Variants in GABRA1 observed in about 807,000 individuals in gnomAD.
GABRA1 encodes gamma-aminobutyric acid receptor subunit alpha-1.
Under a neutral mutation model 48.9 loss-of-function variants are expected in GABRA1, and 9 were observed. That is an observed-to-expected ratio of 0.18 (90% CI 0.11 to 0.32). The LOEUF (loss-of-function observed/expected upper bound fraction) is 0.32, where lower values mean the gene tolerates loss of function less well. Ranked by LOEUF, GABRA1 falls within the 10% of genes least tolerant of loss-of-function variation. The probability of loss-of-function intolerance (pLI) is 1.00; values close to 1 mark genes in which losing one functional copy is unlikely to be tolerated. For missense variants in GABRA1, 285 were observed against 553.8 expected, an observed-to-expected ratio of 0.51 and a Z score of 4.87; for synonymous variants, 210 against 198.7, an observed-to-expected ratio of 1.06 and a Z score of -0.48.
chr5:161,871,699 A>T (rs1283740650), intron 4 of GABRA1, among the ~76,000 whole-genome samples: 2 of 152,266 alleles, frequency 1.3e-5, no homozygotes, highest in East Asian at 3.9e-4. Context: ...AATTCCCTTT[A>T]TGTATCTATC....
At chr5:161,871,452 C>T (rs1754117676) in intron 4 of GABRA1, among the ~76,000 whole-genome samples, 1 of 152,172 alleles carries the variant, frequency 6.6e-6, no homozygotes, top group African/African-American at 2.4e-5. Flanking sequence ...ACAAGCTTGT[C>T]TGTCATCCAG....
At chr5:161,871,592 C>T (rs542259773) in intron 4 of GABRA1, among the ~76,000 whole-genome samples, 2 of 152,256 alleles carry the variant, frequency 1.3e-5, no homozygotes, top group South Asian at 4.1e-4. Flanking sequence ...CTATGCCCAT[C>T]GTACACCTTC....
At chr5:161,883,374 T>C (rs1754700077) in intron 7 of GABRA1, among the ~76,000 whole-genome samples, 1 of 152,186 alleles carries the variant, frequency 6.6e-6, no homozygotes, top group African/African-American at 2.4e-5. Context: ...AATTCTATAC[T>C]CAGAACTAGA....
At chr5:161,888,252 T>G (rs1754936527) in intron 7 of GABRA1, among the ~76,000 whole-genome samples, 1 of 152,120 alleles carries the variant, frequency 6.6e-6, no homozygotes, top group Admixed American at 6.6e-5. Context: ...TGACTTGGTT[T>G]TTTGTTTTTG....
intron 2 of GABRA1, among the ~76,000 whole-genome samples, chr5:161,853,117 TCC>T (rs1313244819): frequency 6.6e-6 from 1 of 151,860 alleles, no homozygotes; most frequent in African/African-American, 2.4e-5. Context: ...GTAAATGTGA[TCC>T]ATCCTAAGAT....
chr5:161,885,556 A>G (rs1476134995), intron 7 of GABRA1, among the ~76,000 whole-genome samples: 2 of 152,160 alleles, frequency 1.3e-5, no homozygotes, highest in African/African-American at 2.4e-5. Context: ...ACACAATCCT[A>G]CTGACCTCTT....
At chr5:161,865,032 A>G (rs7734447) in intron 3 of GABRA1, among the ~76,000 whole-genome samples, 67,652 of 151,746 alleles carry the variant, frequency 0.45, 15,556 homozygotes, top group East Asian at 0.63. Context: ...GTGTTCAGTT[A>G]TTATAGCACT....
intron 4 of GABRA1, among the ~76,000 whole-genome samples, chr5:161,867,488 A>G (rs888223103): frequency 1.3e-5 from 2 of 152,190 alleles, no homozygotes; most frequent in Admixed American, 1.3e-4. Context: ...CATCAGCAGC[A>G]GCATGACCTT....
In GABRA1 at chr5:161,898,645, A is replaced by T. The variant is rs1341549633; in HGVS notation, c.*1223A>T. On this transcript the variant is annotated 3_prime_UTR_variant, in exon 10 of 10. Transcript: ENST00000393943. ...TGTAGACAAAACTTATAATTTCCAA[A>T]CTGTTGTCTAGTATACAGTGATCAG... 1 of 152,438 alleles carries T rather than the reference A, an allele frequency of 6.6e-6. No homozygotes were observed. The highest frequency in any genetic ancestry group is 2.4e-5 in the African/African-American group (1 of 41,434). The allele number at this position is 152,438 out of a possible 1,614,324, so 9.4% of individuals were successfully genotyped here. A position where few individuals can be genotyped will look rare whatever the true frequency, so the allele number is the denominator to read the frequency against.
Position 161,897,281 on chromosome 5 carries a change from G to T in GABRA1, c.1230G>T (p.Lys410Asn). The T allele has an allele frequency of 6.2e-7, 1 of 1,614,148 alleles. No homozygotes were observed. ...VKPETKPPEP[K>N]KTFNSVSKID... Reference sequence around the variant, plus strand: ...CCGAAACAAAACCACCAGAACCCAAGAAAACCTTTAACAGTGTCAGCAAAA... The same window carrying T: ...CCGAAACAAAACCACCAGAACCCAATAAAACCTTTAACAGTGTCAGCAAAA... Residue 410 changes from lysine (K) to asparagine (N), a missense_variant, in exon 10 of 10, where the codon AAG becomes AAT. Physicochemically the swap from Lys to Asn is moderately conservative, Grantham distance 94. Around this residue, in one of 6 missense-constraint regions of GABRA1, gnomAD observed 99 missense variants for 94.2 expected, o/e 1.05. Transcript: ENST00000393943.
At chr5:161,862,122 C>G (rs997026709) in intron 3 of GABRA1, among the ~76,000 whole-genome samples, 1 of 151,878 alleles carries the variant, frequency 6.6e-6, no homozygotes, top group South Asian at 2.1e-4. Context: ...GTCACTCTTG[C>G]ATTTCACTAT....
At chr5:161,858,600 T>C (rs915584217) in intron 3 of GABRA1, among the ~76,000 whole-genome samples, 1 of 151,760 alleles carries the variant, frequency 6.6e-6, no homozygotes, top group African/African-American at 2.4e-5. Context: ...CTTCTGTACA[T>C]ATGCTCATTT....
chr5:161,869,030 T>G (rs1406236867), intron 4 of GABRA1, among the ~76,000 whole-genome samples: 1 of 152,206 alleles, frequency 6.6e-6, no homozygotes, highest in Non-Finnish European at 1.5e-5. Flanking sequence ...GGTTTGCTAG[T>G]AGCTGGTAGA....
At chr5:161,849,074 G>T in intron 1 of GABRA1, 1 of 435,194 alleles carries the variant, frequency 2.3e-6, no homozygotes, top group Non-Finnish European at 4.6e-6. Context: ...GGGGGAGGTT[G>T]AAGGTAGAAA....
chr5:161,868,956 C>G (rs1267829885), intron 4 of GABRA1, among the ~76,000 whole-genome samples: 1 of 152,128 alleles, frequency 6.6e-6, no homozygotes, highest in Non-Finnish European at 1.5e-5. Flanking sequence ...TGCCTAAAAC[C>G]TCTGAACAAG....
At chr5:161,876,169 A>G (rs1450468951) in intron 6 of GABRA1, among the ~76,000 whole-genome samples, 1 of 148,166 alleles carries the variant, frequency 6.7e-6, no homozygotes, top group Non-Finnish European at 1.5e-5. Context: ...ATGTGTGTGT[A>G]TCTCATGGCA....
intron 1 of GABRA1, chr5:161,849,050 G>T (rs918283964): frequency 2.2e-6 from 1 of 445,908 alleles, no homozygotes; most frequent in Non-Finnish European, 4.5e-6. Flanking sequence ...CGTTTGGAGC[G>T]TGTGTCTGGG....
At chr5:161,855,370 G>A (rs1157519921) in intron 3 of GABRA1, among the ~76,000 whole-genome samples, 1 of 151,538 alleles carries the variant, frequency 6.6e-6, no homozygotes, top group Non-Finnish European at 1.5e-5. Flanking sequence ...AATGTCATTA[G>A]AGTCTCAGAG....
chr5:161,858,449 A>T (rs1229038412), intron 3 of GABRA1, among the ~76,000 whole-genome samples: 1 of 151,664 alleles, frequency 6.6e-6, no homozygotes, highest in East Asian at 1.9e-4. Flanking sequence ...ATACTCTTCC[A>T]GTGATATGTT....
Sources: allele counts gnomAD v4.1 joint callset (sites outside exome capture counted in the v4.1 genomes callset), GRCh38; gene constraint gnomAD v4.1.1; regional missense constraint gnomAD v4.1.1; transcripts MANE v1.5; gene names NCBI Gene and HGNC (gene_info 2026-07-23, HGNC 2026-07-21).